The following CEMIP2 variants were observed in gnomAD, a reference collection of about 807,000 sequenced individuals.
CEMIP2 encodes cell migration inducing hyaluronidase 2.
In CEMIP2, 79 loss-of-function variants were observed where a neutral mutation model predicts 146.9. That is an observed-to-expected ratio of 0.54 (90% CI 0.45 to 0.65). The LOEUF is 0.65. Ranked by LOEUF, CEMIP2 falls within the 30% of genes least tolerant of loss-of-function variation. The pLI is 0.00. For synonymous variants in CEMIP2, 601 were observed against 606.3 expected, an observed-to-expected ratio of 0.99 and a Z score of 0.13; for missense variants, 1,596 against 1,696.2, an observed-to-expected ratio of 0.94 and a Z score of 1.04.
chr9:71,708,960 G>A (rs1822829689), intron 17 of CEMIP2, among the ~76,000 whole-genome samples: 1 of 152,132 alleles, frequency 6.6e-6, no homozygotes, highest in Non-Finnish European at 1.5e-5. Flanking sequence ...AAGAAACATG[G>A]GTTCTTGTCC....
chr9:71,736,388 G>A lies in CEMIP2; in HGVS notation c.1205-1394C>T, dbSNP rs139605566. Among the ~76,000 whole-genome samples, 106 of 152,202 alleles carry A rather than the reference G, an allele frequency of 7.0e-4. 1 individual carries two copies. Among genetic ancestry groups the A allele is most frequent in the South Asian group, 6.2e-3 (30 of 4,824 alleles). ...GAAGGTAGCAGGGTACATTATTTAC[G>A]TATGCACTACTCTGTCTTGTTTGTG... On this transcript the variant is annotated intron_variant, in intron 5 of 23. Coordinates refer to ENST00000377044, the MANE Select transcript of CEMIP2 (RefSeq NM_013390.3).
intron 12 of CEMIP2, 116 bp from the exon 13 acceptor site, chr9:71,718,195 T>G: frequency 1.0e-6 from 1 of 990,782 alleles, no homozygotes; most frequent in Non-Finnish European, 1.4e-6. Context: ...AAATGAAAAA[T>G]TCTTAAGATA....
chr9:71,722,308 C>A (rs971268942), intron 12 of CEMIP2, 119 bp downstream of exon 12: 2 of 740,712 alleles, frequency 2.7e-6, no homozygotes, highest in Admixed American at 3.2e-5. Context: ...AACCCTTTTA[C>A]GAACTTCTAA....
At chr9:71,765,129 G>A (rs939154689) in intron 1 of CEMIP2, among the ~76,000 whole-genome samples, 6 of 152,014 alleles carry the variant, frequency 3.9e-5, no homozygotes, top group African/African-American at 1.5e-4. Context: ...GGCTGGGATG[G>A]GAAGAAGCCT....
At chr9:71,762,516 A>AAAAAC (rs1412946883) in intron 1 of CEMIP2, among the ~76,000 whole-genome samples, 1 of 151,100 alleles carries the variant, frequency 6.6e-6, no homozygotes, top group Non-Finnish European at 1.5e-5. Context: ...AAAAAAAAAA[A>AAAAAC]AAAAAAAAAA....
chr9:71,719,816 C>T (rs940321405), intron 12 of CEMIP2, among the ~76,000 whole-genome samples: 8 of 114,408 alleles, frequency 7.0e-5, no homozygotes, highest in African/African-American at 2.3e-4. Flanking sequence ...AGTTCCGGAA[C>T]GGAGACATAC....
In CEMIP2 at chr9:71,684,065, A is replaced by G. The variant is rs1821984484; in HGVS notation, c.*1132T>C. ...AGCTGGGCATCACAGCATGCTTTTT[A>G]ATTGGCTTTAACATTTCATTAAGTA... On this transcript the variant is annotated 3_prime_UTR_variant, in exon 24 of 24. Transcript: ENST00000377044. 1.3e-5 allele frequency: 2 copies of G among 152,172 alleles called. No homozygotes were observed. Among genetic ancestry groups the G allele is most frequent in the Admixed American group, 1.3e-4 (2 of 15,268 alleles). 9.4% of individuals were successfully genotyped at this position (152,172 alleles called of 1,614,324 possible). A position where few individuals can be genotyped will look rare whatever the true frequency, so the allele number is the denominator to read the frequency against.
At chr9:71,754,697 A>G (rs1213173284) in intron 1 of CEMIP2, among the ~76,000 whole-genome samples, 1 of 152,216 alleles carries the variant, frequency 6.6e-6, no homozygotes, top group African/African-American at 2.4e-5. Context: ...GTATTTAGAT[A>G]TTCCTTGAGA....
intron 12 of CEMIP2, 24 bp from the exon 13 acceptor site, chr9:71,718,103 A>T (rs1426858334): frequency 3.8e-6 from 6 of 1,587,618 alleles, no homozygotes; most frequent in East Asian, 4.5e-5. Context: ...AAAGAATTTT[A>T]AAAAATATAA....
At chr9:71,746,596 CAAA>C (rs5898226) in intron 2 of CEMIP2, among the ~76,000 whole-genome samples, 5,621 of 75,054 alleles carry the variant, frequency 0.075, 171 homozygotes, top group South Asian at 0.13. Flanking sequence ...CAAACTTCAC[CAAA>C]AAAAAAAAAA....
chr9:71,749,664 C>T lies in CEMIP2; in HGVS notation c.331+379G>A, dbSNP rs138732339. ...GAGGTTACAGTGAGCCAAGAACACA[C>T]CACTGCACTCCAGCCAGGACAACAG... On this transcript the variant is annotated intron_variant, in intron 2 of 23. Coordinates refer to ENST00000377044, the MANE Select transcript of CEMIP2 (RefSeq NM_013390.3). Among the ~76,000 whole-genome samples, 548 of 152,062 alleles carry T rather than the reference C, an allele frequency of 3.6e-3. 3 individuals are homozygous for T. Among genetic ancestry groups the T allele is most frequent in the African/African-American group, 0.013 (520 of 41,476 alleles).
intron 1 of CEMIP2, among the ~76,000 whole-genome samples, chr9:71,755,980 A>AC (rs1399869271): frequency 7.9e-5 from 9 of 113,824 alleles, no homozygotes; most frequent in African/African-American, 2.5e-4. Flanking sequence ...AAAAAAAAAA[A>AC]AAAAAAAAAA....
chr9:71,734,673 A>T, intron 6 of CEMIP2, 133 bp downstream of exon 6: 1 of 730,862 alleles, frequency 1.4e-6, no homozygotes, highest in Non-Finnish European at 2.1e-6. Context: ...CTCCACTGCT[A>T]TGACTTTCAA....
intron 5 of CEMIP2, among the ~76,000 whole-genome samples, chr9:71,736,140 G>T (rs1369861929): frequency 6.6e-6 from 1 of 152,126 alleles, no homozygotes; most frequent in African/African-American, 2.4e-5. Flanking sequence ...TCATCTCTGT[G>T]CCTTTGATGG....
rs748441694 is a variant in CEMIP2, at chr9:71,685,168, T to C, written c.*29A>G. ...TAAATAAGTTAGTTCACATTTTTTT[T>C]CCCCCAGCACTTAAGTTACAGTTAG... is the stretch of plus-strand genomic sequence containing the variant. On this transcript the variant is annotated 3_prime_UTR_variant, in exon 24 of 24. Transcript: ENST00000377044. 7.8e-6 allele frequency: 12 copies of C among 1,542,612 alleles called. No homozygotes were observed. The Admixed American group carries it at 1.8e-4, about 23-fold the overall frequency.
chr9:71,722,364 C>A, intron 12 of CEMIP2, 63 bp downstream of exon 12: 5 of 1,226,758 alleles, frequency 4.1e-6, no homozygotes, highest in Non-Finnish European at 5.7e-6. Flanking sequence ...CAATAAACTC[C>A]AGTTAGAAAG....
chr9:71,715,706 C>G (rs1311555898), intron 14 of CEMIP2, among the ~76,000 whole-genome samples: 1 of 145,612 alleles, frequency 6.9e-6, no homozygotes, highest in African/African-American at 2.5e-5. Flanking sequence ...GAGCAGCAAC[C>G]TTGAACTCGA....
At chr9:71,731,170 T>C (rs1278392988) in intron 7 of CEMIP2, among the ~76,000 whole-genome samples, 1 of 152,198 alleles carries the variant, frequency 6.6e-6, no homozygotes, top group East Asian at 1.9e-4. Flanking sequence ...GCAATAATGA[T>C]CTCTGCTAAG....
At chr9:71,766,072 CT>C (rs761620941) in intron 1 of CEMIP2, among the ~76,000 whole-genome samples, 124 of 141,986 alleles carry the variant, frequency 8.7e-4, no homozygotes, top group Admixed American at 1.2e-3. Flanking sequence ...TCTTTTTTTT[CT>C]TTTTTTTTTT....
Sources: gnomAD v4.1 joint callset for allele counts (sites outside exome capture counted in the v4.1 genomes callset) on GRCh38, gnomAD v4.1.1 for gene constraint, MANE v1.5 for transcripts, NCBI Gene and HGNC (gene_info 2026-07-23, HGNC 2026-07-21) for gene names.